Variants in AKR1B1 observed in about 807,000 individuals in gnomAD.
AKR1B1 encodes aldo-keto reductase family 1 member B1.
A neutral mutation model predicts 40.4 loss-of-function variants in AKR1B1; 22 were observed. The ratio of observed to expected loss-of-function variants is 0.54; its 90% CI spans 0.39 to 0.78. AKR1B1 has a LOEUF of 0.78. Among genes scored for constraint, AKR1B1 ranks in the 30% least tolerant of loss-of-function variants. The pLI is 0.00. For missense variants in AKR1B1, 357 were observed against 396.7 expected, an observed-to-expected ratio of 0.90 and a Z score of 0.85; for synonymous variants, 157 against 149.9, an observed-to-expected ratio of 1.05 and a Z score of -0.35.
chr7:134,446,405 A>G (rs1046013690), intron 8 of AKR1B1, among the ~76,000 whole-genome samples: 2 of 152,258 alleles, frequency 1.3e-5, no homozygotes, highest in Admixed American at 1.3e-4. Flanking sequence ...GGAATTGGGC[A>G]AAATCAGCTG....
chr7:134,451,030 G>T, intron 2 of AKR1B1, 128 bp from the exon 3 acceptor site: 1 of 779,106 alleles, frequency 1.3e-6, no homozygotes, highest in Non-Finnish European at 2.2e-6. Flanking sequence ...GGTTGTGAGG[G>T]CATTTCCACT....
At position 134,447,754 on chromosome 7, in the gene AKR1B1, G is replaced by A. The variant is rs1247094585; in HGVS notation, c.741+226C>T. On this transcript the variant is annotated intron_variant, in intron 7 of 9. Transcript: ENST00000285930. ...CATGAATGAACAAGCGCTGGCCCTC[G>A]TGGCAGTCACCCTTGCAGTAGTGGG... The A allele has an allele frequency of 2.6e-5, 17 of 643,508 alleles. No homozygotes were observed. In the Admixed American group the frequency reaches 3.3e-4, roughly 13 times the overall value. 39.9% of individuals were successfully genotyped at this position (643,508 alleles called of 1,614,324 possible).
chr7:134,451,398 C>A (rs1806282506), intron 2 of AKR1B1, 188 bp downstream of exon 2: 2 of 711,258 alleles, frequency 2.8e-6, no homozygotes, highest in Admixed American at 4.2e-5. Context: ...GATGGAATGA[C>A]CATTCAACAG....
At chr7:134,451,974 A>G (rs1455524557) in intron 1 of AKR1B1, among the ~76,000 whole-genome samples, 3 of 152,238 alleles carry the variant, frequency 2.0e-5, no homozygotes, top group Admixed American at 6.5e-5. Context: ...TCTGACAGCC[A>G]CTTAAGTGTA....
rs1480104657 is a variant in AKR1B1, at chr7:134,449,070, G to T, written c.479C>A (p.Ser160Tyr). ...DEGLVKAIGI[S>Y]NFNHLQVEMI... Reference sequence around the variant, plus strand: ...CTCCACCTGGAGATGGTTGAAGTTGGAGATGCCAATAGCTTTCACCAGCCC... The same window carrying T: ...CTCCACCTGGAGATGGTTGAAGTTGTAGATGCCAATAGCTTTCACCAGCCC... The change falls in exon 5 of 10, where the codon TCC becomes TAC. Residue 160 changes from serine to tyrosine, a missense_variant. Transcript: ENST00000285930. 8.7e-6 allele frequency: 14 copies of T among 1,614,106 alleles called. No homozygotes were observed. Among genetic ancestry groups the T allele is most frequent in the Admixed American group, 1.7e-5 (1 of 60,022 alleles).
intron 9 of AKR1B1, 21 bp downstream of exon 9, chr7:134,445,217 C>A (rs1806057597): frequency 6.2e-7 from 1 of 1,603,902 alleles, no homozygotes; most frequent in Non-Finnish European, 8.5e-7. Flanking sequence ...GGAACTGCTC[C>A]TCACACTGGG....
chr7:134,452,697 C>T (rs548742178), intron 1 of AKR1B1, among the ~76,000 whole-genome samples: 1 of 152,336 alleles, frequency 6.6e-6, no homozygotes, highest in South Asian at 2.1e-4. Context: ...GTTGAATGAA[C>T]AGAGCACATT....
chr7:134,458,803 C>A (rs1463756122), intron 1 of AKR1B1, among the ~76,000 whole-genome samples, 194 bp downstream of exon 1: 1 of 152,118 alleles, frequency 6.6e-6, no homozygotes, highest in Non-Finnish European at 1.5e-5. Flanking sequence ...CAGGGCCAAC[C>A]CGGGGAGCCA....
intron 9 of AKR1B1, 186 bp downstream of exon 9, chr7:134,445,052 C>T (rs1806053041): frequency 1.5e-6 from 1 of 674,776 alleles, no homozygotes; most frequent in African/African-American, 1.8e-5. Context: ...GAGCGGATCT[C>T]TTGGCATCTT....
Position 134,459,014 on chromosome 7 carries a change from C to G in AKR1B1, c.49G>C (p.Gly17Arg). The change falls in exon 1 of 10, where the codon GGG (glycine) becomes CGG (arginine). Residue 17 changes from glycine to arginine, a missense_variant. Transcript: ENST00000285930. ...GCACCTACCTTCCAGGTACCCAACCCCAGGATGGGCATCTTGGCGCCGTTG... is the reference window on the plus strand; with the variant it reads ...GCACCTACCTTCCAGGTACCCAACCGCAGGATGGGCATCTTGGCGCCGTTG... The part of the protein sequence containing the change: ...LNNGAKMPIL[G>R]LGTWKSPPGQ... 1.2e-6 allele frequency: 2 copies of G among 1,608,566 alleles called. No homozygotes were observed. Among genetic ancestry groups the G allele is most frequent in the Non-Finnish European group, 1.7e-6 (2 of 1,177,998 alleles).
chr7:134,451,365 C>T (rs1355384515), intron 2 of AKR1B1: 4 of 637,804 alleles, frequency 6.3e-6, no homozygotes, highest in South Asian at 1.8e-5. Context: ...CTCATCAGCA[C>T]GGGACTCTAA....
chr7:134,455,329 GAA>G (rs35338055), intron 1 of AKR1B1, among the ~76,000 whole-genome samples: 6 of 151,730 alleles, frequency 4.0e-5, no homozygotes, highest in East Asian at 1.9e-4. Flanking sequence ...CAAATTAGGG[GAA>G]AAAAAAGTCT....
chr7:134,455,420 G>A (rs780628256), intron 1 of AKR1B1, among the ~76,000 whole-genome samples: 50 of 152,274 alleles, frequency 3.3e-4, no homozygotes, highest in Admixed American at 6.5e-4. Flanking sequence ...AGCCCTAGGA[G>A]TATTCTGTGA....
intron 4 of AKR1B1, 185 bp downstream of exon 4, chr7:134,449,535 C>T (rs886074776): frequency 9.5e-6 from 6 of 629,332 alleles, no homozygotes; most frequent in Middle Eastern, 3.9e-4. Context: ...TGCAGTGAGC[C>T]GAGATTGTGC....
Position 134,450,787 on chromosome 7 carries a change from T to C in AKR1B1, c.350A>G (p.Lys117Arg). 1 of 1,613,530 alleles carries C rather than the reference T, an allele frequency of 6.2e-7. No homozygotes were observed. ...TGGTCTGCACCAGGCATCCCATACC[T>C]TAAAGCCAGTCGGCCAGTGAATAAG... ...LYLIHWPTGF[K>R]PGKEFFPLDE... The change falls in exon 3 of 10, where the codon AAG becomes AGG. Residue 117 changes from lysine to arginine, a missense_variant and splice_region_variant. By Grantham distance (26) the Lys-to-Arg change is conservative (BLOSUM62 2). Transcript: ENST00000285930.
chr7:134,457,429 T>C (rs902846987), intron 1 of AKR1B1, among the ~76,000 whole-genome samples: 1 of 152,208 alleles, frequency 6.6e-6, no homozygotes, highest in African/African-American at 2.4e-5. Flanking sequence ...ATTAGCTTGG[T>C]GTCATGGTTG....
At chr7:134,453,759 G>T (rs1806365492) in intron 1 of AKR1B1, among the ~76,000 whole-genome samples, 1 of 152,130 alleles carries the variant, frequency 6.6e-6, no homozygotes, top group Non-Finnish European at 1.5e-5. Context: ...CTGGGAGGCT[G>T]ATCAAAGGTG....
intron 1 of AKR1B1, among the ~76,000 whole-genome samples, chr7:134,456,725 T>G (rs1469191116): frequency 6.6e-6 from 1 of 151,980 alleles, no homozygotes; most frequent in African/African-American, 2.4e-5. Flanking sequence ...GGATACCTAC[T>G]CCTATATTTG....
chr7:134,448,089 C>T (rs1021784049), intron 6 of AKR1B1, 28 bp from the exon 7 acceptor site: 1 of 1,576,738 alleles, frequency 6.3e-7, no homozygotes. Context: ...GTCCAGGTCA[C>T]ACCATCATGG....
Sources: gnomAD v4.1 joint callset for allele counts (sites outside exome capture counted in the v4.1 genomes callset) on GRCh38, gnomAD v4.1.1 for gene constraint, MANE v1.5 for transcripts, NCBI Gene and HGNC (gene_info 2026-07-23, HGNC 2026-07-21) for gene names.